SERPINB10: variants seen among roughly 807,000 people sequenced by gnomAD.
SERPINB10 encodes the protein serpin family B member 10.
A neutral mutation model predicts 39.1 loss-of-function variants in SERPINB10; 35 were observed. That is an observed-to-expected ratio of 0.90 (90% confidence interval 0.68 to 1.19). The LOEUF is 1.19. Among genes scored for constraint, SERPINB10 ranks in the 50% most tolerant of loss-of-function variants. The pLI is 0.00. For missense variants in SERPINB10, 546 were observed against 460.5 expected, an observed-to-expected ratio of 1.19 and a Z score of -1.70; for synonymous variants, 190 against 158.1, an observed-to-expected ratio of 1.20 and a Z score of -1.52.
intron 6 of SERPINB10, among the ~76,000 whole-genome samples, chr18:63,930,752 C>T (rs1263169796): frequency 2.0e-5 from 3 of 152,148 alleles, no homozygotes; most frequent in Non-Finnish European, 4.4e-5. Context: ...TACCATCATT[C>T]TTCTCTCAGG....
intron 2 of SERPINB10, 115 bp downstream of exon 2, chr18:63,915,793 C>G: frequency 2.2e-6 from 2 of 917,548 alleles, no homozygotes; most frequent in East Asian, 2.7e-5. Context: ...ATAACATTCT[C>G]TAAAACAAGA....
chr18:63,927,724 G>T (rs61538269), intron 5 of SERPINB10, among the ~76,000 whole-genome samples: 1 of 151,988 alleles, frequency 6.6e-6, no homozygotes, highest in Non-Finnish European at 1.5e-5. Context: ...TCAGCAACAC[G>T]CTACATTAAT....
chr18:63,918,581 C>T (rs986542829), intron 4 of SERPINB10, among the ~76,000 whole-genome samples: 4 of 151,986 alleles, frequency 2.6e-5, no homozygotes, highest in African/African-American at 9.7e-5. Flanking sequence ...CAATAATTTC[C>T]TTCATTGTCC....
chr18:63,912,140 G>T (rs1262824338), intron 1 of SERPINB10, among the ~76,000 whole-genome samples: 1 of 152,010 alleles, frequency 6.6e-6, no homozygotes, highest in Non-Finnish European at 1.5e-5. Flanking sequence ...TTTGTGTTCT[G>T]AAGCTTTACT....
chr18:63,921,965 C>T (rs2050149773), intron 5 of SERPINB10, among the ~76,000 whole-genome samples: 1 of 151,858 alleles, frequency 6.6e-6, no homozygotes, highest in Non-Finnish European at 1.5e-5. Context: ...CTTCTCAGGG[C>T]TTCATTCAGG....
In SERPINB10 at chr18:63,934,917, A is replaced by C. The variant is rs781698960; in HGVS notation, c.869A>C (p.His290Pro). ...ATGGAGTTGTATGAAGTGCAGCTAC[A>C]CCTTCCCAAGTTCAAGCTGGAAGAC... ...DMMELYEVQL[H>P]LPKFKLEDSY... Residue 290 changes from histidine (H) to proline (P), a missense_variant, in exon 8 of 8, where the codon CAC (histidine) becomes CCC (proline). Physicochemically the swap from His to Pro is moderately conservative, Grantham distance 77. Transcript: ENST00000238508. 2 of 1,614,178 alleles carry C rather than the reference A, an allele frequency of 1.2e-6. No individual in the cohort carries two copies. Among genetic ancestry groups the C allele is most frequent in the South Asian group, 2.2e-5 (2 of 91,080 alleles).
rs1219023663 is a variant in SERPINB10, at chr18:63,933,137, C to G, written c.723C>G (p.Leu241=). ...IEKPKAVGLQ[L]YYKSRDLSLL... ...AGCCAAAAGCAGTGGGCCTTCAACT[C>G]TACTACAAAAGCCGTGACCTCAGCC... The change falls in exon 7 of 8, where the codon CTC becomes CTG. Residue 241 remains leucine (L), a synonymous_variant. Transcript: ENST00000238508. 6 of 1,613,888 alleles carry G rather than the reference C, an allele frequency of 3.7e-6. No individual in the cohort carries two copies. The highest frequency in any genetic ancestry group is 4.2e-6 in the Non-Finnish European group (5 of 1,179,928).
At chr18:63,919,703 C>T in intron 4 of SERPINB10, 85 bp from the exon 5 acceptor site, 2 of 890,032 alleles carry the variant, frequency 2.2e-6, no homozygotes, top group Non-Finnish European at 3.5e-6. Context: ...GCCCGCCTAC[C>T]TAGTTCTTTT....
rs117563277 is a variant in SERPINB10 at position 63,910,000 on chromosome 18, A to C, written c.-10+1960A>C. 7.7e-4 allele frequency among the ~76,000 whole-genome samples: 117 copies of C among 152,124 alleles called. 1 individual carries two copies. In the East Asian group the frequency reaches 0.02, roughly 26 times the overall value. On this transcript the variant is annotated intron_variant, in intron 1 of 7. Coordinates refer to ENST00000238508, the MANE Select transcript of SERPINB10 (RefSeq NM_005024.3). Reference sequence around the variant, plus strand: ...ATCATAAGCTTTTGGAGTAGACAGGAGCCACACCTAGGGCATGATTTAGAG... The same window carrying C: ...ATCATAAGCTTTTGGAGTAGACAGGCGCCACACCTAGGGCATGATTTAGAG...
In SERPINB10 at chr18:63,933,047, G is replaced by T. The variant is rs79882762; in HGVS notation, c.634-1G>T. ...TTTTTTTGTTTTTTTGTTTTTTTTA[G>T]ACTACAAGCAAACCAGTGCAAATGA... On this transcript the variant is annotated splice_acceptor_variant, in intron 6 of 7. Transcript: ENST00000238508. LOFTEE classifies it high-confidence loss of function. 2.5e-6 allele frequency: 4 copies of T among 1,604,630 alleles called. No homozygotes were observed. Among genetic ancestry groups the T allele is most frequent in the Admixed American group, 1.7e-5 (1 of 57,162 alleles).
chr18:63,919,954 T>C (rs778136797), intron 5 of SERPINB10, 49 bp downstream of exon 5: 6 of 1,141,098 alleles, frequency 5.3e-6, no homozygotes, highest in Non-Finnish European at 7.7e-6. Flanking sequence ...CAAACATCCT[T>C]GTATTTATTT....
intron 6 of SERPINB10, among the ~76,000 whole-genome samples, chr18:63,932,321 A>T (rs949842423): frequency 8.5e-5 from 13 of 152,230 alleles, no homozygotes; most frequent in Non-Finnish European, 1.6e-4. Context: ...ACTTAGTAAG[A>T]AACTGCCCAA....
chr18:63,914,319 G>T (rs1346253357), intron 1 of SERPINB10, among the ~76,000 whole-genome samples: 1 of 151,998 alleles, frequency 6.6e-6, no homozygotes, highest in African/African-American at 2.4e-5. Context: ...TTATTAGCTG[G>T]TTGCTTTGTG....
chr18:63,908,434 C>A (rs2050041136), intron 1 of SERPINB10, among the ~76,000 whole-genome samples: 1 of 151,984 alleles, frequency 6.6e-6, no homozygotes, highest in Non-Finnish European at 1.5e-5. Context: ...TGAGCCAAAA[C>A]CCTTCAACTC....
chr18:63,923,096 C>CA (rs964663371), intron 5 of SERPINB10, among the ~76,000 whole-genome samples: 7 of 151,780 alleles, frequency 4.6e-5, no homozygotes, highest in Admixed American at 4.6e-4. Context: ...TGAGAGGCAC[C>CA]AAAAAATAAG....
At chr18:63,912,872 C>T (rs1198274085) in intron 1 of SERPINB10, among the ~76,000 whole-genome samples, 2 of 151,808 alleles carry the variant, frequency 1.3e-5, no homozygotes, top group Non-Finnish European at 2.9e-5. Flanking sequence ...TGTCTTTGTA[C>T]ATCTGGTAGA....
chr18:63,919,487 A>T (rs2050130425), intron 4 of SERPINB10, among the ~76,000 whole-genome samples: 1 of 151,878 alleles, frequency 6.6e-6, no homozygotes, highest in Admixed American at 6.6e-5. Context: ...TTTCCATTCT[A>T]GCCTCATTTC....
chr18:63,930,665 TG>T (rs1244928894), intron 6 of SERPINB10, among the ~76,000 whole-genome samples: 1 of 152,196 alleles, frequency 6.6e-6, no homozygotes, highest in Non-Finnish European at 1.5e-5. Context: ...GGAGTGTGGC[TG>T]GGCCTTGGGA....
At chr18:63,918,943 A>G (rs927535457) in intron 4 of SERPINB10, among the ~76,000 whole-genome samples, 1 of 150,744 alleles carries the variant, frequency 6.6e-6, no homozygotes, top group Non-Finnish European at 1.5e-5. Flanking sequence ...CCCTGAATTA[A>G]GACAGGCAGT....
Sources: gnomAD v4.1 joint callset for allele counts (sites outside exome capture counted in the v4.1 genomes callset) on GRCh38, gnomAD v4.1.1 for gene constraint, MANE v1.5 for transcripts, NCBI Gene and HGNC (gene_info 2026-07-23, HGNC 2026-07-21) for gene names.